CCDC178: variants seen among roughly 807,000 people sequenced by gnomAD.
CCDC178 encodes coiled-coil domain containing 178.
Under a neutral mutation model 117.4 loss-of-function variants are expected in CCDC178, and 126 were observed. The ratio of observed to expected loss-of-function variants is 1.07; its 90% CI spans 0.93 to 1.24. The LOEUF (loss-of-function observed/expected upper bound fraction) is 1.24, where lower values mean the gene tolerates loss of function less well. Among genes scored for constraint, CCDC178 ranks in the 50% most tolerant of loss-of-function variants. The probability of loss-of-function intolerance (pLI) is 0.00; values close to 1 mark genes in which losing one functional copy is unlikely to be tolerated. For missense variants in CCDC178, 1,030 were observed against 986.9 expected (o/e 1.04, Z -0.59); for synonymous variants, 283 against 313.4 (o/e 0.90, Z 1.02).
chr18:33,128,354 G>A (rs2058033221), intron 20 of CCDC178, among the ~76,000 whole-genome samples: 1 of 152,122 alleles, frequency 6.6e-6, no homozygotes, highest in Non-Finnish European at 1.5e-5. Flanking sequence ...AAGAGTTACA[G>A]ACCCTTTAGA....
chr18:33,407,999 T>C (rs1417938393), intron 3 of CCDC178, among the ~76,000 whole-genome samples: 2 of 151,792 alleles, frequency 1.3e-5, no homozygotes, highest in African/African-American at 4.8e-5. Context: ...GATGCAAACA[T>C]CCTAAACAAA....
At chr18:33,433,448 A>G (rs1324183332) in intron 2 of CCDC178, among the ~76,000 whole-genome samples, 1 of 152,132 alleles carries the variant, frequency 6.6e-6, no homozygotes, top group African/African-American at 2.4e-5. Flanking sequence ...TTTTCCTACT[A>G]GAGGCCTTCA....
intron 12 of CCDC178, among the ~76,000 whole-genome samples, chr18:33,283,014 C>T (rs941659369): frequency 6.6e-6 from 1 of 152,192 alleles, no homozygotes; most frequent in African/African-American, 2.4e-5. Flanking sequence ...GCCTCCTTCT[C>T]CCACCCTCCA....
intron 11 of CCDC178, among the ~76,000 whole-genome samples, chr18:33,318,036 TG>T (rs1359174607): frequency 2.0e-5 from 3 of 152,150 alleles, no homozygotes; most frequent in Non-Finnish European, 4.4e-5. Context: ...AGCAGCACTC[TG>T]GTTCTGGGAA....
intron 21 of CCDC178, among the ~76,000 whole-genome samples, chr18:33,090,965 T>C (rs965115501): frequency 4.6e-5 from 7 of 152,172 alleles, no homozygotes; most frequent in African/African-American, 1.7e-4. Flanking sequence ...GGCTTTCTCT[T>C]AAAAAGCATG....
At chr18:33,284,883 C>A (rs1488320624) in intron 12 of CCDC178, among the ~76,000 whole-genome samples, 1 of 151,576 alleles carries the variant, frequency 6.6e-6, no homozygotes, top group Non-Finnish European at 1.5e-5. Flanking sequence ...TCAGGAAATG[C>A]AACTGTACTG....
intron 20 of CCDC178, among the ~76,000 whole-genome samples, chr18:33,121,677 C>T (rs2057939387): frequency 6.6e-6 from 1 of 152,108 alleles, no homozygotes; most frequent in African/African-American, 2.4e-5. Flanking sequence ...GATATTGCCA[C>T]TAAAAGCATC....
intron 21 of CCDC178, among the ~76,000 whole-genome samples, chr18:33,075,243 C>A (rs931895966): frequency 2.6e-5 from 4 of 152,106 alleles, no homozygotes; most frequent in African/African-American, 7.2e-5. Context: ...ATCAATCTTA[C>A]TGATCTTTTG....
intron 11 of CCDC178, among the ~76,000 whole-genome samples, chr18:33,320,828 G>T (rs935019667): frequency 4.5e-4 from 68 of 152,256 alleles, no homozygotes; most frequent in African/African-American, 1.6e-3. Flanking sequence ...CACACTACCT[G>T]ACTTCAAACT....
intron 21 of CCDC178, among the ~76,000 whole-genome samples, chr18:33,036,517 T>C (rs1168904636): frequency 6.6e-6 from 1 of 151,756 alleles, no homozygotes; most frequent in Non-Finnish European, 1.5e-5. Context: ...TTGAGCAAAA[T>C]GGTATTTGCA....
chr18:33,420,813 A>G (rs2064014528), intron 2 of CCDC178, among the ~76,000 whole-genome samples: 1 of 152,224 alleles, frequency 6.6e-6, no homozygotes. Context: ...AAAAAATTAT[A>G]AAAAGCTTAA....
At chr18:33,310,914 C>T (rs1290236601) in intron 11 of CCDC178, among the ~76,000 whole-genome samples, 1 of 152,128 alleles carries the variant, frequency 6.6e-6, no homozygotes, top group Non-Finnish European at 1.5e-5. Context: ...CAGACAGTAA[C>T]CCAGAGTGGG....
In CCDC178 at chr18:33,426,815, C is replaced by A. The variant is rs568304507; in HGVS notation, c.-23+13147G>T. Among the ~76,000 whole-genome samples the A allele has an allele frequency of 8.6e-5, 13 of 151,650 alleles. No individual in the cohort carries two copies. The East Asian group carries it at 2.1e-3, about 25-fold the overall frequency. ...TGTTTTATTTTTTATAATCAAAGCC[C>A]AACAGAGTATAAAATTATTTAATTG... is the stretch of plus-strand genomic sequence containing the variant. On this transcript the variant is annotated intron_variant, in intron 2 of 22. Coordinates refer to ENST00000383096, the MANE Select transcript of CCDC178 (RefSeq NM_001105528.4).
intron 21 of CCDC178, among the ~76,000 whole-genome samples, chr18:33,017,443 G>A (rs2056015679): frequency 1.3e-5 from 2 of 151,828 alleles, no homozygotes; most frequent in African/African-American, 2.4e-5. Flanking sequence ...ATTAAAGAAG[G>A]CCTAGTAAAT....
chr18:33,107,123 C>T (rs915304924), intron 20 of CCDC178, among the ~76,000 whole-genome samples: 3 of 151,636 alleles, frequency 2.0e-5, no homozygotes, highest in African/African-American at 7.3e-5. Context: ...ACCTACAGAG[C>T]TATAAGATAA....
chr18:32,966,800 C>T (rs1399880341), intron 22 of CCDC178, among the ~76,000 whole-genome samples: 2 of 151,890 alleles, frequency 1.3e-5, no homozygotes, highest in East Asian at 1.9e-4. Context: ...GTAATCTTCT[C>T]ATCCATGCAA....
At chr18:32,966,131 T>C (rs1458910448) in intron 22 of CCDC178, among the ~76,000 whole-genome samples, 1 of 151,728 alleles carries the variant, frequency 6.6e-6, no homozygotes, top group Non-Finnish European at 1.5e-5. Flanking sequence ...AAAATAGATA[T>C]ACAAAATAAT....
chr18:33,159,402 C>T (rs2058437693), intron 20 of CCDC178, among the ~76,000 whole-genome samples: 1 of 152,094 alleles, frequency 6.6e-6, no homozygotes, highest in South Asian at 2.1e-4. Flanking sequence ...CAAATGTATT[C>T]TCTTACAGTT....
intron 19 of CCDC178, 152 bp from the exon 20 acceptor site, chr18:33,212,207 C>T: frequency 1.8e-6 from 1 of 562,638 alleles, no homozygotes; most frequent in Non-Finnish European, 3.0e-6. Flanking sequence ...TTCTCAAGGT[C>T]TACTTCCATA....
Sources: allele counts gnomAD v4.1 joint callset (sites outside exome capture counted in the v4.1 genomes callset), GRCh38; gene constraint gnomAD v4.1.1; transcripts MANE v1.5; gene names NCBI Gene and HGNC (gene_info 2026-07-23, HGNC 2026-07-21).